Variants in USH1C observed in about 807,000 individuals in gnomAD.
The protein encoded by USH1C is USH1 protein network component harmonin.
In USH1C, 90 loss-of-function variants were observed where a neutral mutation model predicts 119.3. That is an observed-to-expected ratio of 0.75 (90% CI 0.64 to 0.90). The LOEUF is 0.90. Among genes scored for constraint, USH1C ranks in the 40% least tolerant of loss-of-function variants. The probability of loss-of-function intolerance (pLI) is 0.00; values close to 1 mark genes in which losing one functional copy is unlikely to be tolerated. For missense variants in USH1C, 1,165 were observed against 1,167.7 expected (o/e 1.00, Z 0.03); for synonymous variants, 465 against 443.3 (o/e 1.05, Z -0.62).
chr11:17,513,354 C>T (rs1849986540), intron 15 of USH1C, among the ~76,000 whole-genome samples: 1 of 151,900 alleles, frequency 6.6e-6, no homozygotes, highest in African/African-American at 2.4e-5. Context: ...CCCCAACAAG[C>T]CTTCTGGGGA....
chr11:17,507,017 G>T (rs750796045), intron 18 of USH1C, among the ~76,000 whole-genome samples: 1 of 152,236 alleles, frequency 6.6e-6, no homozygotes, highest in Non-Finnish European at 1.5e-5. Flanking sequence ...CCTGTGGATA[G>T]ATCTGGCCCT....
intron 12 of USH1C, among the ~76,000 whole-genome samples, chr11:17,522,163 T>C (rs1257508253): frequency 6.6e-6 from 1 of 152,210 alleles, no homozygotes; most frequent in African/African-American, 2.4e-5. Context: ...AAAAGGTATT[T>C]GGATTTGGAT....
At chr11:17,513,836 GAA>G (rs5789989) in intron 15 of USH1C, among the ~76,000 whole-genome samples, 2 of 150,740 alleles carry the variant, frequency 1.3e-5, no homozygotes, top group African/African-American at 2.4e-5. Flanking sequence ...AAGAAAGAAA[GAA>G]AAAAAAAACT....
In USH1C at chr11:17,494,250, C is replaced by A; in HGVS notation, c.*82G>T. On this transcript the variant is annotated 3_prime_UTR_variant, in exon 27 of 27. Coordinates refer to ENST00000005226, the MANE Select transcript of USH1C (RefSeq NM_153676.4). The stretch of plus-strand genomic sequence containing the variant: ...TGATAGATTCAGGTCCCAAGGATGC[C>A]ATCTGGTGTGTGTAGTGTGGCCTCT... 1 of 1,492,880 alleles carries A rather than the reference C, an allele frequency of 6.7e-7. No homozygotes were observed. The highest frequency in any genetic ancestry group is 1.2e-5 in the South Asian group (1 of 83,414). The allele number at this position is 1,492,880 out of a possible 1,614,324, so 92.5% of individuals were successfully genotyped here.
intron 17 of USH1C, among the ~76,000 whole-genome samples, chr11:17,510,180 G>A (rs1474327099): frequency 2.0e-5 from 3 of 152,166 alleles, no homozygotes; most frequent in Non-Finnish European, 2.9e-5. Flanking sequence ...TGAGACTATC[G>A]CAGATGAGCT....
chr11:17,522,834 C>CTGCATGAGA lies in USH1C; in HGVS notation c.968_969insTCTCATGCA (p.Leu323_Ala324insLeuMetGln). The CTGCATGAGA allele has an allele frequency of 6.2e-7, 1 of 1,613,806 alleles. No homozygotes were observed. The highest frequency in any genetic ancestry group is 8.5e-7 in the Non-Finnish European group (1 of 1,179,920). On this transcript the variant is annotated inframe_insertion, in exon 12 of 27. Transcript: ENST00000005226. The stretch of plus-strand genomic sequence containing the variant: ...GGAGGATCTTGTTGGACTCCATCGC[C>CTGCATGAGA]AGCCGCTTCTGCATGAGAAGCTCCT...
chr11:17,494,504 AC>A lies in USH1C; in HGVS notation c.2656-129del, dbSNP rs570157404. Reference sequence around the variant, plus strand: ...CACAAGGCCCTGCCACCCTTTGGAGACCCCTCTGGGTGCAGGCCCCAAGTGG... The same window carrying A: ...CACAAGGCCCTGCCACCCTTTGGAGACCCTCTGGGTGCAGGCCCCAAGTGG... On this transcript the variant is annotated intron_variant, in intron 26 of 26. Transcript: ENST00000005226. The A allele has an allele frequency of 3.3e-4, 352 of 1,075,848 alleles. 5 individuals carry two copies. In the East Asian group the frequency reaches 9.0e-3, roughly 28 times the overall value. The allele number at this position is 1,075,848 out of a possible 1,614,324, so 66.6% of individuals were successfully genotyped here. A position where few individuals can be genotyped will look rare whatever the true frequency, so the allele number is the denominator to read the frequency against.
At chr11:17,499,222 C>T (rs1435114508) in intron 23 of USH1C, among the ~76,000 whole-genome samples, 1 of 152,204 alleles carries the variant, frequency 6.6e-6, no homozygotes, top group Non-Finnish European at 1.5e-5. Context: ...CTCCAGGTTA[C>T]ATTGAAATAG....
chr11:17,516,747 G>A (rs568105201), intron 14 of USH1C: 18 of 275,184 alleles, frequency 6.5e-5, no homozygotes, highest in Non-Finnish European at 1.1e-4. Context: ...ACTGTTGTTC[G>A]ACAGAACAAA....
At chr11:17,543,650 G>A (rs1184104849) in intron 1 of USH1C, among the ~76,000 whole-genome samples, 1 of 152,174 alleles carries the variant, frequency 6.6e-6, no homozygotes, top group Non-Finnish European at 1.5e-5. Context: ...GGTGGACCCG[G>A]CTCTGCCTGA....
At chr11:17,498,115 G>T in intron 24 of USH1C, 47 bp downstream of exon 24, 1 of 1,571,248 alleles carries the variant, frequency 6.4e-7, no homozygotes, top group Non-Finnish European at 8.8e-7. Flanking sequence ...GCCAGGGTTT[G>T]AGGCAGGCAG....
chr11:17,531,019 GC>G lies in USH1C; in HGVS notation c.387+134del. Reference sequence around the variant, plus strand: ...TGAGCCTAAGAACACCCATCAGGATGCGCCAGCCTCTTCTTCACCCGAAGGC... The same window carrying G: ...TGAGCCTAAGAACACCCATCAGGATGGCCAGCCTCTTCTTCACCCGAAGGC... On this transcript the variant is annotated intron_variant, in intron 4 of 26. Transcript: ENST00000005226. This position sits in a 1 kb window ranked among gnomAD's most constrained non-coding sequence, Gnocchi z 4.2. 1 of 1,378,646 alleles carries G rather than the reference GC, an allele frequency of 7.3e-7. No homozygotes were observed. Among genetic ancestry groups the G allele is most frequent in the Non-Finnish European group, 1.0e-6 (1 of 1,000,352 alleles). The allele number at this position is 1,378,646 out of a possible 1,614,324, so 85.4% of individuals were successfully genotyped here.
intron 24 of USH1C, among the ~76,000 whole-genome samples, chr11:17,497,821 G>A (rs1849296495): frequency 6.6e-6 from 1 of 152,314 alleles, no homozygotes; most frequent in African/African-American, 2.4e-5. Flanking sequence ...TTTTGTTAAT[G>A]CTTTCTGGTA....
Position 17,501,117 on chromosome 11 carries a change from C to T in USH1C, c.2314G>A (p.Val772Met). Residue 772 changes from valine (V) to methionine (M), a missense_variant, in exon 23 of 27, where the codon GTG becomes ATG. By Grantham distance (21) the Val-to-Met change is conservative. Transcript: ENST00000005226. ...GSLDLALEGGVDSPIGKVVVS... is the reference protein window; with the variant it reads ...GSLDLALEGGMDSPIGKVVVS... ...ACCACCTTCCCAATGGGGGAGTCCA[C>T]ACCGCCTTCCAGGGCCAGGTCTAAG... The T allele has an allele frequency of 6.2e-7, 1 of 1,614,112 alleles. No individual in the cohort carries two copies. The highest frequency in any genetic ancestry group is 2.2e-5 in the East Asian group (1 of 44,878).
chr11:17,529,950 G>A (rs756978923), intron 4 of USH1C, among the ~76,000 whole-genome samples: 4 of 152,218 alleles, frequency 2.6e-5, no homozygotes, highest in Non-Finnish European at 5.9e-5. Context: ...CGCCAAGAGA[G>A]GCGCTCATTA....
At chr11:17,530,285 GA>G (rs1226086611) in intron 4 of USH1C, among the ~76,000 whole-genome samples, 14 of 152,210 alleles carry the variant, frequency 9.2e-5, no homozygotes, top group African/African-American at 3.4e-4. Flanking sequence ...GTGAGACCTG[GA>G]GGTCTGCCCA....
In USH1C at chr11:17,510,445, C is replaced by A. The variant is rs776650177; in HGVS notation, c.1490G>T (p.Arg497Leu). ...QYWVERLCQT[R>L]LEQISSADNE... ...ATCAGCAGAGGAAATCTGCTCGAGG[C>A]GCGTTTGACAGAGCCTCTCCACCCA... The change falls in exon 17 of 27, where the codon CGC (arginine) becomes CTC (leucine). Residue 497 changes from arginine to leucine, a missense_variant. Arg to Leu is a moderately radical substitution (Grantham distance 102, BLOSUM62 -2). Transcript: ENST00000005226. The A allele has an allele frequency of 4.0e-5, 65 of 1,612,676 alleles. No individual in the cohort carries two copies. Among genetic ancestry groups the A allele is most frequent in the Non-Finnish European group, 5.0e-5 (59 of 1,179,820 alleles).
intron 20 of USH1C, 105 bp downstream of exon 20, chr11:17,504,542 C>T (rs1565026167): frequency 7.7e-7 from 1 of 1,291,512 alleles, no homozygotes; most frequent in East Asian, 2.3e-5. Context: ...CAGATGGGGC[C>T]ACCATGGACC....
At position 17,501,026 on chromosome 11, in the gene USH1C, C is replaced by T. The variant is rs766011038; in HGVS notation, c.2380+25G>A. 1.9e-5 allele frequency: 31 copies of T among 1,602,882 alleles called. No homozygotes were observed. The South Asian group carries it at 3.2e-4, about 17-fold the overall frequency. ...TCTAACCACTGTATCATCCCCAAACCTGGGTGTGGCTAGTCTCCACTCACC... is the reference window on the plus strand; with the variant it reads ...TCTAACCACTGTATCATCCCCAAACTTGGGTGTGGCTAGTCTCCACTCACC... On this transcript the variant is annotated intron_variant, in intron 23 of 26. Transcript: ENST00000005226.
Sources: allele counts gnomAD v4.1 joint callset (sites outside exome capture counted in the v4.1 genomes callset), GRCh38; gene constraint gnomAD v4.1.1; non-coding constraint Gnocchi (gnomAD v3.1); transcripts MANE v1.5; gene names NCBI Gene and HGNC (gene_info 2026-07-23, HGNC 2026-07-21).